Variants in TAOK3 observed in about 807,000 individuals in gnomAD.
TAOK3 encodes TAO kinase 3.
A neutral mutation model predicts 120.4 loss-of-function variants in TAOK3; 40 were observed. That is an observed-to-expected ratio of 0.33 (90% CI 0.26 to 0.43). TAOK3 has a LOEUF of 0.43. TAOK3 is among the 20% of genes least tolerant of loss of function. TAOK3 has a pLI of 1.00. For synonymous variants in TAOK3, 355 were observed against 387.5 expected (o/e 0.92, Z 0.99); for missense variants, 821 against 1,112.1 (o/e 0.74, Z 3.72).
chr12:118,266,905 AG>A, intron 1 of TAOK3, 146 bp from the exon 2 acceptor site: 1 of 358,970 alleles, frequency 2.8e-6, no homozygotes, highest in Admixed American at 4.6e-5. Flanking sequence ...CAAAGTTAAA[AG>A]GTAAGATGCT....
intron 14 of TAOK3, among the ~76,000 whole-genome samples, chr12:118,188,060 A>G (rs946610294): frequency 2.0e-5 from 3 of 152,150 alleles, no homozygotes; most frequent in African/African-American, 7.2e-5. Context: ...GGTCATGAAT[A>G]TATGATGTGG....
chr12:118,245,512 T>C (rs913664436), intron 3 of TAOK3, among the ~76,000 whole-genome samples: 1 of 151,584 alleles, frequency 6.6e-6, no homozygotes, highest in East Asian at 1.9e-4. Context: ...GAGATGGGGT[T>C]TCACCATTTT....
At position 118,172,577 on chromosome 12, in the gene TAOK3, C is replaced by T. The variant is rs2036067750; in HGVS notation, c.1779G>A (p.Gln593=). The T allele has an allele frequency of 6.2e-7, 1 of 1,614,194 alleles. No individual in the cohort carries two copies. The highest frequency in any genetic ancestry group is 8.5e-7 in the Non-Finnish European group (1 of 1,180,028). The change falls in exon 17 of 21, where the codon CAG becomes CAA. Residue 593 remains glutamine, a synonymous_variant. Transcript: ENST00000392533. ...TGAGAAGGTGGGCTTCCTCTTCAGC[C>T]TGTGTGTGCTGCAAGTTCTCTTTAT... The part of the protein sequence containing the change: ...SKHKENLQHT[Q]AEEEAHLLTQ...
At position 118,255,533 on chromosome 12, in the gene TAOK3, G is replaced by T. The variant is rs78662524; in HGVS notation, c.35C>A (p.Ala12Asp). The T allele has an allele frequency of 4.6e-4, 739 of 1,613,928 alleles. 1 individual carries two copies. Among genetic ancestry groups the T allele is most frequent in the Middle Eastern group, 1.5e-3 (9 of 6,062 alleles). ...AGGATCATCTTTGTAGAATAGATCG[G>T]CAATCTCTGGGTCCTTCAGCACCCC... Reference protein sequence around the residue: ...RKGVLKDPEIADLFYKDDPEE... With the variant: ...RKGVLKDPEIDDLFYKDDPEE... The change falls in exon 3 of 21, where the codon GCC becomes GAC. Residue 12 changes from alanine (A) to aspartate (D), a missense_variant. By Grantham distance (126) the Ala-to-Asp change is moderately radical. Around this residue, in one of 2 missense-constraint regions of TAOK3, gnomAD observed 467 missense variants for 540.0 expected, o/e 0.86. Transcript: ENST00000392533.
At chr12:118,164,992 T>C (rs970931342) in intron 17 of TAOK3, among the ~76,000 whole-genome samples, 3 of 152,102 alleles carry the variant, frequency 2.0e-5, no homozygotes, top group African/African-American at 4.8e-5. Flanking sequence ...GGCACTGTTG[T>C]AGGAACTAGG....
chr12:118,308,625 C>A (rs186993489), intron 1 of TAOK3, among the ~76,000 whole-genome samples: 1 of 152,082 alleles, frequency 6.6e-6, no homozygotes, highest in East Asian at 1.9e-4. Flanking sequence ...AGAATGTAGA[C>A]GGTGTAGAAA....
chr12:118,359,246 A>G (rs908145402), intron 1 of TAOK3: 6 of 152,214 alleles, frequency 3.9e-5, no homozygotes, highest in Non-Finnish European at 8.8e-5. Context: ...GAACTCTCTA[A>G]AAATTTTTCC....
At chr12:118,343,264 C>A (rs1161502535) in intron 1 of TAOK3, among the ~76,000 whole-genome samples, 2 of 150,934 alleles carry the variant, frequency 1.3e-5, no homozygotes, top group Admixed American at 6.6e-5. Flanking sequence ...CCTGTCTCTA[C>A]AAAAATACAA....
rs2036044178 is a variant in TAOK3 at position 118,172,323 on chromosome 12, C to T, written c.1899+134G>A. The T allele has an allele frequency of 7.8e-6, 7 of 894,302 alleles. 1 individual carries two copies. The highest frequency in any genetic ancestry group is 5.0e-5 in the African/African-American group (3 of 59,934). 55.4% of individuals were successfully genotyped at this position (894,302 alleles called of 1,614,324 possible). On this transcript the variant is annotated intron_variant, in intron 17 of 20. Transcript: ENST00000392533. The stretch of plus-strand genomic sequence containing the variant: ...TTCCCTGACTTTTTTTGTATACCTA[C>T]TCTGTGTTAGCCACTGTGCTAAAAG...
intron 2 of TAOK3, among the ~76,000 whole-genome samples, chr12:118,266,028 A>C (rs1164435831): frequency 6.6e-6 from 1 of 152,218 alleles, no homozygotes; most frequent in Admixed American, 6.6e-5. Flanking sequence ...ATAAACTACC[A>C]ACAAAAAAAT....
chr12:118,285,216 T>C (rs1247927492), intron 1 of TAOK3, among the ~76,000 whole-genome samples: 1 of 152,104 alleles, frequency 6.6e-6, no homozygotes, highest in African/African-American at 2.4e-5. Context: ...CTAATTTTTA[T>C]ATTTTTTGTA....
intron 1 of TAOK3, among the ~76,000 whole-genome samples, chr12:118,314,275 G>T (rs2043369175): frequency 6.6e-6 from 1 of 152,058 alleles, no homozygotes; most frequent in African/African-American, 2.4e-5. Context: ...AGGTTTTCAG[G>T]TTTGTCCACA....
chr12:118,308,956 AAAAG>A (rs1268143260), intron 1 of TAOK3, among the ~76,000 whole-genome samples: 17 of 149,200 alleles, frequency 1.1e-4, no homozygotes, highest in African/African-American at 4.3e-4. Context: ...AAAAAAAAAA[AAAAG>A]CCTGTATGGT....
chr12:118,266,359 ATTT>A (rs11348740), intron 2 of TAOK3, among the ~76,000 whole-genome samples: 5 of 144,414 alleles, frequency 3.5e-5, no homozygotes, highest in Admixed American at 7.0e-5. Flanking sequence ...CGCCCGGCTA[ATTT>A]TTTTTTTTTT....
rs138276135 is a variant in TAOK3 at position 118,250,745 on chromosome 12, G to A, written c.120+4703C>T. ...ACAATAAAAGACAAAATGTAAAACT[G>A]CAATTCTGATATGTGCCACAAAGAA... On this transcript the variant is annotated intron_variant, in intron 3 of 20. Coordinates refer to ENST00000392533, the MANE Select transcript of TAOK3 (RefSeq NM_016281.4). 1.8e-3 allele frequency among the ~76,000 whole-genome samples: 275 copies of A among 152,288 alleles called. 1 individual carries two copies. The highest frequency in any genetic ancestry group is 3.2e-3 in the Non-Finnish European group (219 of 68,026).
At position 118,266,770 on chromosome 12, in the gene TAOK3, A is replaced by T. The variant is rs2041466011; in HGVS notation, c.-193-11T>A. The T allele has an allele frequency of 5.0e-6, 2 of 396,368 alleles. No homozygotes were observed. Among genetic ancestry groups the T allele is most frequent in the African/African-American group, 4.1e-5 (2 of 48,698 alleles). The allele number at this position is 396,368 out of a possible 1,614,324, so 24.6% of individuals were successfully genotyped here. On this transcript the variant is annotated splice_polypyrimidine_tract_variant and intron_variant, in intron 1 of 20. Transcript: ENST00000392533. ...TATTTATGATGCAACCTATAGAAAAAGAAGAACAAAATACATAATTATCAG... is the reference window on the plus strand; with the variant it reads ...TATTTATGATGCAACCTATAGAAAATGAAGAACAAAATACATAATTATCAG...
intron 1 of TAOK3, among the ~76,000 whole-genome samples, chr12:118,299,817 GT>G (rs1261272034): frequency 1.3e-5 from 2 of 152,084 alleles, no homozygotes; most frequent in Non-Finnish European, 2.9e-5. Flanking sequence ...GCCACTAAAG[GT>G]TATTTTATTT....
chr12:118,197,667 GC>G (rs1481343471), intron 13 of TAOK3, among the ~76,000 whole-genome samples: 2 of 145,936 alleles, frequency 1.4e-5, no homozygotes, highest in African/African-American at 2.5e-5. Context: ...CAAAAAGACA[GC>G]CCAGCAAAAC....
At chr12:118,267,261 G>GC (rs1441298260) in intron 1 of TAOK3, among the ~76,000 whole-genome samples, 31 of 152,140 alleles carry the variant, frequency 2.0e-4, no homozygotes, top group African/African-American at 7.5e-4. Flanking sequence ...TGTTGCCCAG[G>GC]CTGGAGTGCA....
Sources: allele counts gnomAD v4.1 joint callset (sites outside exome capture counted in the v4.1 genomes callset), GRCh38; gene constraint gnomAD v4.1.1; regional missense constraint gnomAD v4.1.1; transcripts MANE v1.5; gene names NCBI Gene and HGNC (gene_info 2026-07-23, HGNC 2026-07-21).